HPS5: variants seen among roughly 807,000 people sequenced by gnomAD.
HPS5 encodes the protein HPS5 biogenesis of lysosomal organelles complex 2 subunit 2.
A neutral mutation model predicts 128.0 loss-of-function variants in HPS5; 83 were observed. That is an observed-to-expected ratio of 0.65 (90% CI 0.54 to 0.78). HPS5 has a LOEUF of 0.78. Among genes scored for constraint, HPS5 ranks in the 30% least tolerant of loss-of-function variants. The pLI is 0.00. For synonymous variants in HPS5, 475 were observed against 470.2 expected (o/e 1.01, Z -0.13); for missense variants, 1,281 against 1,326.2 (o/e 0.97, Z 0.53).
At chr11:18,321,656 C>A (rs1019073028) in intron 1 of HPS5, among the ~76,000 whole-genome samples, 5 of 152,046 alleles carry the variant, frequency 3.3e-5, no homozygotes, top group Non-Finnish European at 2.9e-5. Flanking sequence ...CCAGTAGGTG[C>A]GTGGAGGAAG....
intron 9 of HPS5, among the ~76,000 whole-genome samples, chr11:18,299,859 A>G (rs752791725): frequency 2.6e-5 from 4 of 152,230 alleles, no homozygotes; most frequent in Non-Finnish European, 5.9e-5. Flanking sequence ...TGTTAAGTGA[A>G]ATAAGCTAGG....
chr11:18,317,669 A>G, intron 2 of HPS5, 82 bp downstream of exon 2: 1 of 1,365,136 alleles, frequency 7.3e-7, no homozygotes, highest in Non-Finnish European at 1.0e-6. Flanking sequence ...AGATTCCACA[A>G]AACGTTAAGG....
At chr11:18,293,169 CT>C (rs1360954157) in intron 14 of HPS5, among the ~76,000 whole-genome samples, 193 bp from the exon 15 acceptor site, 1 of 151,816 alleles carries the variant, frequency 6.6e-6, no homozygotes, top group African/African-American at 2.4e-5. Context: ...ACAAATATTT[CT>C]TTTTTCTTTT....
chr11:18,314,475 G>A (rs1863380433), intron 2 of HPS5: 1 of 152,292 alleles, frequency 6.6e-6, no homozygotes, highest in East Asian at 1.9e-4. Flanking sequence ...TTTGCAGAGA[G>A]CTGAGATGGT....
chr11:18,310,779 C>G lies in HPS5; in HGVS notation c.439G>C (p.Val147Leu). The change falls in exon 5 of 23, where the codon GTT becomes CTT. Residue 147 changes from valine to leucine, a missense_variant. Transcript: ENST00000349215. ...GAAGTATTGAGTTTGATAGCAGAAA[C>G]CTTCCCAGCATGATCACCTACAAAA... ...RVFVGDHAGKVSAIKLNTSKQ... is the reference protein window; with the variant it reads ...RVFVGDHAGKLSAIKLNTSKQ... 3.7e-6 allele frequency: 6 copies of G among 1,614,120 alleles called. No homozygotes were observed. The South Asian group carries it at 5.5e-5, about 15-fold the overall frequency.
chr11:18,303,809 G>A (rs879312222), intron 8 of HPS5, among the ~76,000 whole-genome samples: 15 of 149,924 alleles, frequency 1.0e-4, no homozygotes, highest in Admixed American at 2.0e-4. Flanking sequence ...AGCTAAGATC[G>A]CACCACTGCA....
rs2134343861 is a variant in HPS5, at chr11:18,297,707, G to A, written c.1175C>T (p.Thr392Ile). The A allele has an allele frequency of 1.9e-6, 3 of 1,613,932 alleles. No individual in the cohort carries two copies. Among genetic ancestry groups the A allele is most frequent in the Non-Finnish European group, 2.5e-6 (3 of 1,179,890 alleles). Residue 392 changes from threonine (T) to isoleucine (I), a missense_variant, in exon 11 of 23, where the codon ACT (threonine) becomes ATT (isoleucine). Physicochemically the swap from Thr to Ile is moderately conservative, Grantham distance 89. Coordinates refer to ENST00000349215, the MANE Select transcript of HPS5 (RefSeq NM_181507.2). ...ATGCTCCAATTTATCTGCAGTCAAA[G>A]TTTTTCTTGCCTAATAAAACAACAG... is the stretch of plus-strand genomic sequence containing the variant. The part of the protein sequence containing the change: ...NSVIASRARK[T>I]LTADKLEHLK...
chr11:18,295,653 G>T (rs1424365008), intron 13 of HPS5, among the ~76,000 whole-genome samples: 1 of 152,198 alleles, frequency 6.6e-6, no homozygotes. Flanking sequence ...GGAGTAGCTA[G>T]AAAAGAATTC....
chr11:18,311,243 A>G (rs1322682182), intron 4 of HPS5, 144 bp downstream of exon 4: 1 of 681,838 alleles, frequency 1.5e-6, no homozygotes, highest in Non-Finnish European at 2.6e-6. Context: ...CTGGGTACTG[A>G]GAGATTTCCT....
rs115320116 is a variant in HPS5 at position 18,317,709 on chromosome 11, A to G, written c.108+42T>C. ...GGAGGGTAGGGGCACAGTAACAGAGAGCACGTGAAAATGAAACTGATACAA... is the reference window on the plus strand; with the variant it reads ...GGAGGGTAGGGGCACAGTAACAGAGGGCACGTGAAAATGAAACTGATACAA... On this transcript the variant is annotated intron_variant, in intron 2 of 22. Coordinates refer to ENST00000349215, the MANE Select transcript of HPS5 (RefSeq NM_181507.2). The G allele has an allele frequency of 1.8e-3, 2,905 of 1,594,602 alleles. 36 individuals carry two copies. In the African/African-American group the frequency reaches 0.029, roughly 16 times the overall value.
intron 22 of HPS5, chr11:18,280,415 T>C (rs1057070516): frequency 5.8e-5 from 33 of 571,980 alleles, no homozygotes; most frequent in Admixed American, 2.4e-4. Context: ...CATGGAGAAA[T>C]TGGAACTCTT....
intron 5 of HPS5, among the ~76,000 whole-genome samples, chr11:18,309,897 G>A (rs1862776270): frequency 6.6e-6 from 1 of 152,176 alleles, no homozygotes; most frequent in Non-Finnish European, 1.5e-5. Flanking sequence ...AGCTACTCAG[G>A]AGGTTTGAGG....
intron 8 of HPS5, among the ~76,000 whole-genome samples, chr11:18,301,838 G>A (rs1021150416): frequency 1.3e-5 from 2 of 151,966 alleles, no homozygotes; most frequent in Admixed American, 1.3e-4. Context: ...TATACCAAAG[G>A]CCATTCAGCA....
At chr11:18,301,740 T>C (rs368466868) in intron 8 of HPS5, among the ~76,000 whole-genome samples, 1 of 152,308 alleles carries the variant, frequency 6.6e-6, no homozygotes, top group East Asian at 1.9e-4. Flanking sequence ...GCTCTGTCTA[T>C]ATTACCTAAC....
intron 3 of HPS5, 155 bp from the exon 4 acceptor site, chr11:18,311,606 G>T: frequency 1.8e-6 from 1 of 560,616 alleles, no homozygotes; most frequent in Non-Finnish European, 3.2e-6. Flanking sequence ...CACTTCCTGG[G>T]TTCAAGCGAT....
At position 18,311,390 on chromosome 11, in the gene HPS5, G is replaced by A. The variant is rs765455809; in HGVS notation, c.281C>T (p.Thr94Ile). 15 of 1,598,908 alleles carry A rather than the reference G, an allele frequency of 9.4e-6. No individual in the cohort carries two copies. The highest frequency in any genetic ancestry group is 2.7e-5 in the African/African-American group (2 of 74,576). Residue 94 changes from threonine to isoleucine, a missense_variant, in exon 4 of 23, where the codon ACC becomes ATC. Coordinates refer to ENST00000349215, the MANE Select transcript of HPS5 (RefSeq NM_181507.2). ...LHDDDYVAVA[T>I]SQGLVVVWEL... ...TAGTTTTGGAACAGATTCTTACCTG[G>A]TAGCTACAGCAACATAATCATCATC...
intron 22 of HPS5, among the ~76,000 whole-genome samples, chr11:18,280,214 A>G (rs1475739454): frequency 6.6e-6 from 1 of 152,256 alleles, no homozygotes; most frequent in African/African-American, 2.4e-5. Context: ...TGGGCAAAGG[A>G]CTTGAATAGC....
chr11:18,297,698 G>T lies in HPS5; in HGVS notation c.1184C>A (p.Ala395Glu), dbSNP rs1222281426. Reference sequence around the variant, plus strand: ...AGATTTCAAATGCTCCAATTTATCTGCAGTCAAAGTTTTTCTTGCCTAATA... The same window carrying T: ...AGATTTCAAATGCTCCAATTTATCTTCAGTCAAAGTTTTTCTTGCCTAATA... ...IASRARKTLT[A>E]DKLEHLKSQL... is the part of the protein sequence containing the mutation. Residue 395 changes from alanine (A) to glutamate (E), a missense_variant, in exon 11 of 23, where the codon GCA becomes GAA. Ala to Glu is a moderately radical substitution (Grantham distance 107). Transcript: ENST00000349215. 5 of 1,613,964 alleles carry T rather than the reference G, an allele frequency of 3.1e-6. No homozygotes were observed. In the South Asian group the frequency reaches 5.5e-5, roughly 18 times the overall value.
intron 21 of HPS5, 50 bp downstream of exon 21, chr11:18,283,745 G>A (rs755545771): frequency 2.9e-6 from 4 of 1,359,014 alleles, no homozygotes; most frequent in African/African-American, 1.4e-5. Flanking sequence ...GAGGTCTGGA[G>A]TAACTTCTAA....
Sources: allele counts gnomAD v4.1 joint callset (sites outside exome capture counted in the v4.1 genomes callset), GRCh38; gene constraint gnomAD v4.1.1; transcripts MANE v1.5; gene names NCBI Gene and HGNC (gene_info 2026-07-23, HGNC 2026-07-21).